GATAD2B: variants seen among roughly 807,000 people sequenced by gnomAD.
GATAD2B encodes transcriptional repressor p66-beta.
Under a neutral mutation model 64.3 loss-of-function variants are expected in GATAD2B, and 8 were observed. The observed-to-expected ratio is 0.12, with a 90% CI of 0.07 to 0.22. GATAD2B has a LOEUF of 0.22. GATAD2B is among the 10% of genes least tolerant of loss of function. The pLI is 1.00. For synonymous variants in GATAD2B, 281 were observed against 271.3 expected, an observed-to-expected ratio of 1.04 and a Z score of -0.35; for missense variants, 453 against 752.0, an observed-to-expected ratio of 0.60 and a Z score of 4.65.
intron 2 of GATAD2B, among the ~76,000 whole-genome samples, chr1:153,826,632 C>A (rs890616959): frequency 1.3e-5 from 2 of 151,468 alleles, no homozygotes; most frequent in Non-Finnish European, 2.9e-5. Context: ...CTCCATCACA[C>A]ACACACACAC....
intron 6 of GATAD2B, among the ~76,000 whole-genome samples, chr1:153,817,036 A>AAAAC (rs746633066): frequency 8.5e-5 from 13 of 152,278 alleles, no homozygotes; most frequent in East Asian, 3.9e-4. Flanking sequence ...TCCAGCTCAA[A>AAAAC]AAACAAACAA....
chr1:153,871,130 G>A (rs189034616), intron 1 of GATAD2B, among the ~76,000 whole-genome samples: 120 of 152,120 alleles, frequency 7.9e-4, no homozygotes, highest in Middle Eastern at 6.8e-3. Flanking sequence ...GCAGTGGCGC[G>A]ATCTCGGCTC....
intron 1 of GATAD2B, among the ~76,000 whole-genome samples, chr1:153,920,360 G>A (rs1023698046): frequency 1.3e-5 from 2 of 152,196 alleles, no homozygotes; most frequent in African/African-American, 4.8e-5. Flanking sequence ...ACCCCAAAAT[G>A]GGGGACAGCA....
chr1:153,824,730 A>AT (rs1239391526), intron 2 of GATAD2B, among the ~76,000 whole-genome samples: 2 of 151,812 alleles, frequency 1.3e-5, no homozygotes, highest in African/African-American at 4.8e-5. Context: ...TCTTATCAAA[A>AT]TGTCTACAGG....
At chr1:153,897,124 G>A (rs979477240) in intron 1 of GATAD2B, among the ~76,000 whole-genome samples, 9 of 151,660 alleles carry the variant, frequency 5.9e-5, no homozygotes, top group Non-Finnish European at 1.0e-4. Context: ...CACCCCCTGG[G>A]GTTCACGCCA....
chr1:153,894,680 G>T (rs903286845), intron 1 of GATAD2B, among the ~76,000 whole-genome samples: 10 of 151,872 alleles, frequency 6.6e-5, no homozygotes, highest in African/African-American at 2.4e-4. Context: ...GGCTAACACG[G>T]GGAAACCCCG....
At chr1:153,892,673 C>A (rs1677452871) in intron 1 of GATAD2B, among the ~76,000 whole-genome samples, 1 of 150,638 alleles carries the variant, frequency 6.6e-6, no homozygotes, top group Non-Finnish European at 1.5e-5. Context: ...AGACAGTATC[C>A]AGTAGACTTG....
At chr1:153,884,442 CA>C (rs572839886) in intron 1 of GATAD2B, among the ~76,000 whole-genome samples, 5 of 146,720 alleles carry the variant, frequency 3.4e-5, no homozygotes, top group East Asian at 2.0e-4. Context: ...GACTCCACCT[CA>C]AAAAAAAAAT....
At chr1:153,874,651 AC>A (rs1362351342) in intron 1 of GATAD2B, among the ~76,000 whole-genome samples, 3 of 151,970 alleles carry the variant, frequency 2.0e-5, no homozygotes, top group Non-Finnish European at 4.4e-5. Flanking sequence ...ATCTCGGCTT[AC>A]TGCAACCTCC....
chr1:153,918,231 G>T (rs755214498), intron 1 of GATAD2B, among the ~76,000 whole-genome samples: 2 of 152,210 alleles, frequency 1.3e-5, no homozygotes, highest in Admixed American at 6.5e-5. Context: ...TGCAAGAAAT[G>T]AGAATTCAAA....
At position 153,809,309 on chromosome 1, in the gene GATAD2B, G is replaced by C. The variant is rs1674210421; in HGVS notation, c.*868C>G. 6.6e-6 allele frequency: 1 copy of C among 152,188 alleles called. No individual in the cohort carries two copies. The highest frequency in any genetic ancestry group is 1.5e-5 in the Non-Finnish European group (1 of 68,046). The allele number at this position is 152,188 out of a possible 1,614,324, so 9.4% of individuals were successfully genotyped here. A position where few individuals can be genotyped will look rare whatever the true frequency, so the allele number is the denominator to read the frequency against. On this transcript the variant is annotated 3_prime_UTR_variant, in exon 11 of 11. Coordinates refer to ENST00000368655, the MANE Select transcript of GATAD2B (RefSeq NM_020699.4). ...GAATAGACTTCCGTGTTCCCAATGGGGTCAGGAGATCGGTCTTATTTCCCC... is the reference window on the plus strand; with the variant it reads ...GAATAGACTTCCGTGTTCCCAATGGCGTCAGGAGATCGGTCTTATTTCCCC...
At chr1:153,815,999 A>G (rs1420764504) in intron 7 of GATAD2B, among the ~76,000 whole-genome samples, 2 of 151,150 alleles carry the variant, frequency 1.3e-5, no homozygotes, top group African/African-American at 4.9e-5. Flanking sequence ...GTTGCAGTGA[A>G]CTGAGATTGT....
At chr1:153,827,097 TAGAC>T (rs1381091364) in intron 2 of GATAD2B, among the ~76,000 whole-genome samples, 1 of 146,392 alleles carries the variant, frequency 6.8e-6, no homozygotes, top group East Asian at 2.0e-4. Context: ...ATACAAAAAT[TAGAC>T]AGGCATGGTG....
chr1:153,921,707 C>T (rs1219068479), intron 1 of GATAD2B: 1 of 152,194 alleles, frequency 6.6e-6, no homozygotes, highest in African/African-American at 2.4e-5. Context: ...GAAAAGGTTG[C>T]TAGCTAGCTC....
chr1:153,885,607 C>T (rs1459171678), intron 1 of GATAD2B, among the ~76,000 whole-genome samples: 3 of 151,788 alleles, frequency 2.0e-5, no homozygotes, highest in African/African-American at 4.9e-5. Context: ...GTGGCTCATG[C>T]CTGTAATCCC....
chr1:153,903,185 T>C (rs1329503642), intron 1 of GATAD2B, among the ~76,000 whole-genome samples: 2 of 150,550 alleles, frequency 1.3e-5, no homozygotes, highest in African/African-American at 4.9e-5. Context: ...TCCACTGCAC[T>C]CCAGCCTGGG....
intron 10 of GATAD2B, among the ~76,000 whole-genome samples, chr1:153,811,326 T>C (rs974295035): frequency 6.6e-6 from 1 of 151,996 alleles, no homozygotes; most frequent in Admixed American, 6.5e-5. Flanking sequence ...AGTGAAACAG[T>C]GGTGAGAGGA....
At chr1:153,890,457 C>T (rs1271775191) in intron 1 of GATAD2B, 1 of 148,068 alleles carries the variant, frequency 6.8e-6, no homozygotes, top group Non-Finnish European at 1.5e-5. Flanking sequence ...CACTGCACTC[C>T]AGCCTAGGCG....
At chr1:153,860,387 T>C (rs931357163) in intron 1 of GATAD2B, among the ~76,000 whole-genome samples, 3 of 152,128 alleles carry the variant, frequency 2.0e-5, no homozygotes, top group African/African-American at 7.2e-5. Flanking sequence ...TAGGCTGGAG[T>C]GCAGTGGTGC....
Sources: allele counts gnomAD v4.1 joint callset (sites outside exome capture counted in the v4.1 genomes callset), GRCh38; gene constraint gnomAD v4.1.1; transcripts MANE v1.5; gene names NCBI Gene and HGNC (gene_info 2026-07-23, HGNC 2026-07-21).